Variants in WDR17 observed in about 807,000 individuals in gnomAD.
WDR17 encodes WD repeat domain 17, also known as WD repeat-containing protein 17.
Under a neutral mutation model 161.7 loss-of-function variants are expected in WDR17, and 143 were observed. The ratio of observed to expected loss-of-function variants is 0.88; its 90% CI spans 0.77 to 1.02. The LOEUF is 1.02. Among genes scored for constraint, WDR17 ranks in the 50% least tolerant of loss-of-function variants. The pLI is 0.00. For missense variants in WDR17, 1,469 were observed against 1,520.9 expected, an observed-to-expected ratio of 0.97 and a Z score of 0.57; for synonymous variants, 517 against 515.6, an observed-to-expected ratio of 1.00 and a Z score of -0.04.
At chr4:176,080,197 A>C (rs1348671597) in intron 1 of WDR17, among the ~76,000 whole-genome samples, 1 of 152,068 alleles carries the variant, frequency 6.6e-6, no homozygotes, top group Non-Finnish European at 1.5e-5. Context: ...GGAACATCAT[A>C]AGTTTTTTTT....
chr4:176,161,401 G>T (rs1338402854), intron 20 of WDR17, among the ~76,000 whole-genome samples: 1 of 152,026 alleles, frequency 6.6e-6, no homozygotes, highest in Non-Finnish European at 1.5e-5. Flanking sequence ...CATGACCCCA[G>T]TATTGGTATC....
chr4:176,179,935 C>T lies in WDR17; in HGVS notation c.*356C>T, dbSNP rs1751983082. ...TGAAACATATTAAATTGTGCAACAC[C>T]TAGAATAGTGCTAGACATACAGTAA... On this transcript the variant is annotated 3_prime_UTR_variant, in exon 29 of 29. Transcript: ENST00000508596. The T allele has an allele frequency of 6.6e-6, 1 of 152,372 alleles. No homozygotes were observed. The highest frequency in any genetic ancestry group is 1.5e-5 in the Non-Finnish European group (1 of 68,376). 9.4% of individuals were successfully genotyped at this position (152,372 alleles called of 1,614,324 possible).
intron 1 of WDR17, among the ~76,000 whole-genome samples, chr4:176,100,737 G>A (rs1737686372): frequency 6.6e-6 from 1 of 151,890 alleles, no homozygotes; most frequent in African/African-American, 2.4e-5. Context: ...TAAGTGTTTA[G>A]TACATCTTGA....
intron 22 of WDR17, chr4:176,166,246 T>G (rs1305382271): frequency 5.6e-6 from 2 of 358,800 alleles, no homozygotes; most frequent in East Asian, 5.4e-5. Flanking sequence ...ATTTATCAAC[T>G]ATTTTCACAT....
chr4:176,097,171 T>C (rs1050403879), intron 1 of WDR17, among the ~76,000 whole-genome samples: 2 of 152,054 alleles, frequency 1.3e-5, no homozygotes, highest in Non-Finnish European at 2.9e-5. Context: ...AAAATGTACC[T>C]TGTCAAATGG....
At chr4:176,177,301 A>C in intron 27 of WDR17, 145 bp downstream of exon 27, 2 of 968,754 alleles carry the variant, frequency 2.1e-6, no homozygotes, top group Non-Finnish European at 1.5e-6. Context: ...AATTTACAAT[A>C]CCGTACTTTT....
rs141773160 is a variant in WDR17, at chr4:176,093,971, A to C, written c.-6-17604A>C. On this transcript the variant is annotated intron_variant, in intron 1 of 28. Transcript: ENST00000508596. Reference sequence around the variant, plus strand: ...CATGGATAAGTATCAGGACATAAGAAATAAGAACTATTATATGCTCTATGA... The same window carrying C: ...CATGGATAAGTATCAGGACATAAGACATAAGAACTATTATATGCTCTATGA... 4.9e-3 allele frequency among the ~76,000 whole-genome samples: 754 copies of C among 152,366 alleles called. 5 individuals carry two copies. Among genetic ancestry groups the C allele is most frequent in the African/African-American group, 0.017 (717 of 41,590 alleles).
Position 176,148,155 on chromosome 4 carries a change from A to T in WDR17, c.1717A>T (p.Thr573Ser), listed in dbSNP as rs1466951527. 8 of 1,613,910 alleles carry T rather than the reference A, an allele frequency of 5.0e-6. No individual in the cohort carries two copies. The highest frequency in any genetic ancestry group is 6.8e-6 in the Non-Finnish European group (8 of 1,179,922). ...CAGTACCGTTCGAATCTGGGATTAT[A>T]CTCAGGATGCTTGCATCAATATTCT... ...DDGTVRIWDY[T>S]QDACINILNG... Residue 573 changes from threonine (T) to serine (S), a missense_variant, in exon 13 of 29, where the codon ACT (threonine) becomes TCT (serine). Physicochemically the swap from Thr to Ser is moderately conservative, Grantham distance 58 (BLOSUM62 1). Coordinates refer to ENST00000508596, the MANE Select transcript of WDR17 (RefSeq NM_181265.4).
chr4:176,087,442 G>A (rs1338355298), intron 1 of WDR17, among the ~76,000 whole-genome samples: 2 of 151,844 alleles, frequency 1.3e-5, no homozygotes, highest in African/African-American at 4.8e-5. Context: ...TTCTTTTTGT[G>A]GTTTCTGGCA....
At chr4:176,073,365 TG>T (rs1283396003) in intron 1 of WDR17, among the ~76,000 whole-genome samples, 5 of 152,144 alleles carry the variant, frequency 3.3e-5, no homozygotes, top group African/African-American at 1.2e-4. Flanking sequence ...TTTGGTTTTT[TG>T]TCCTTGCGAT....
At chr4:176,177,783 T>C in intron 28 of WDR17, 129 bp downstream of exon 28, 1 of 811,688 alleles carries the variant, frequency 1.2e-6, no homozygotes. Context: ...TAAGGAAATA[T>C]TACCTCTAGT....
intron 8 of WDR17, 28 bp from the exon 9 acceptor site, chr4:176,137,492 T>G (rs770232150): frequency 6.5e-7 from 1 of 1,536,916 alleles, no homozygotes. Flanking sequence ...AAACATTTAG[T>G]ATAATGTCTA....
chr4:176,179,852 A>C lies in WDR17; in HGVS notation c.*273A>C, dbSNP rs1751974679. ...TTATAAAGGACTGAATAATCTAAAA[A>C]GCATATAAAAGTTTCACACAGCATA... On this transcript the variant is annotated 3_prime_UTR_variant, in exon 29 of 29. Transcript: ENST00000508596. The C allele has an allele frequency of 5.9e-6, 1 of 168,370 alleles. No individual in the cohort carries two copies. The allele number at this position is 168,370 out of a possible 1,614,324, so 10.4% of individuals were successfully genotyped here. A position where few individuals can be genotyped will look rare whatever the true frequency, so the allele number is the denominator to read the frequency against.
Position 176,131,600 on chromosome 4 carries a change from C to T in WDR17, c.960C>T (p.Ser320=), listed in dbSNP as rs770757528. 19 of 1,611,534 alleles carry T rather than the reference C, an allele frequency of 1.2e-5. No homozygotes were observed. The highest frequency in any genetic ancestry group is 1.1e-4 in the African/African-American group (8 of 74,692). Reference sequence around the variant, plus strand: ...AAAATCATTATACATCCTCAACAAGCGAAGCAGTTCCACCCCCAACTTTAA... The same window carrying T: ...AAAATCATTATACATCCTCAACAAGTGAAGCAGTTCCACCCCCAACTTTAA... ...PTKNHYTSST[S]EAVPPPTLTQ... is the part of the protein sequence containing the mutation. Residue 320 remains serine, a synonymous_variant, in exon 7 of 29, where the codon AGC becomes AGT. Coordinates refer to ENST00000508596, the MANE Select transcript of WDR17 (RefSeq NM_181265.4).
chr4:176,154,672 A>T (rs571708729), intron 17 of WDR17, among the ~76,000 whole-genome samples: 2 of 152,230 alleles, frequency 1.3e-5, no homozygotes, highest in Non-Finnish European at 2.9e-5. Flanking sequence ...CCCTGAAAAC[A>T]TATTTTAAGA....
In WDR17 at chr4:176,150,146, A is replaced by C; in HGVS notation, c.2151A>C (p.Lys717Asn). 6.2e-7 allele frequency: 1 copy of C among 1,613,498 alleles called. No homozygotes were observed. The highest frequency in any genetic ancestry group is 8.5e-7 in the Non-Finnish European group (1 of 1,179,918). ...EKLTANSQVK[K>N]LRWFSECLSP... The stretch of plus-strand genomic sequence containing the variant: ...TAACTGCTAATTCTCAAGTGAAAAA[A>C]CTAAGATGGTTCTCAGAATGTTTAT... Residue 717 changes from lysine to asparagine, a missense_variant, in exon 15 of 29, where the codon AAA becomes AAC. Coordinates refer to ENST00000508596, the MANE Select transcript of WDR17 (RefSeq NM_181265.4).
At chr4:176,131,782 T>A in intron 7 of WDR17, 44 bp downstream of exon 7, 1 of 1,379,444 alleles carries the variant, frequency 7.2e-7, no homozygotes, top group Non-Finnish European at 9.6e-7. Flanking sequence ...TAGTTTTTTG[T>A]GTAAACCCAT....
In WDR17 at chr4:176,125,390, C is replaced by G. The variant is rs79011952; in HGVS notation, c.790+35C>G. On this transcript the variant is annotated intron_variant, in intron 5 of 28. Transcript: ENST00000508596. ...TCCCCATAACCCAGAGTTTTAAATA[C>G]GTGTATATATTCTTTCGTTGAATTT... 5.7e-3 allele frequency: 9,049 copies of G among 1,599,904 alleles called. 44 individuals carry two copies. The highest frequency in any genetic ancestry group is 6.9e-3 in the Non-Finnish European group (8,121 of 1,172,520).
chr4:176,177,000 C>A, intron 26 of WDR17, 58 bp from the exon 27 acceptor site: 2 of 1,237,028 alleles, frequency 1.6e-6, no homozygotes, highest in Non-Finnish European at 2.4e-6. Flanking sequence ...AGTTTGTTTG[C>A]TTTTTCTGAT....
Sources: allele counts gnomAD v4.1 joint callset (sites outside exome capture counted in the v4.1 genomes callset), GRCh38; gene constraint gnomAD v4.1.1; transcripts MANE v1.5; gene names NCBI Gene and HGNC (gene_info 2026-07-23, HGNC 2026-07-21).